PFKFB3: variants seen among roughly 807,000 people sequenced by gnomAD.
PFKFB3 encodes 6-phosphofructo-2-kinase/fructose-2,6-bisphosphatase 3.
Under a neutral mutation model 68.0 loss-of-function variants are expected in PFKFB3, and 33 were observed. That is an observed-to-expected ratio of 0.49 (90% CI 0.37 to 0.65). The LOEUF (loss-of-function observed/expected upper bound fraction) is 0.65. Among genes scored for constraint, PFKFB3 ranks in the 30% least tolerant of loss-of-function variants. The probability of loss-of-function intolerance (pLI) is 0.00; values close to 1 mark genes in which losing one functional copy is unlikely to be tolerated. For missense variants in PFKFB3, 586 were observed against 712.2 expected (o/e 0.82, Z 2.02); for synonymous variants, 315 against 288.2 (o/e 1.09, Z -0.94).
intron 1 of PFKFB3, among the ~76,000 whole-genome samples, chr10:6,163,276 G>A (rs1419151960): frequency 6.6e-6 from 1 of 152,194 alleles, no homozygotes; most frequent in Non-Finnish European, 1.5e-5. Context: ...CGGGAAGTCT[G>A]GAAGGGAACT....
chr10:6,178,285 C>T (rs908543709), intron 1 of PFKFB3, among the ~76,000 whole-genome samples: 1 of 152,190 alleles, frequency 6.6e-6, no homozygotes, highest in Non-Finnish European at 1.5e-5. Context: ...CCCACCTGAC[C>T]ACTGTGTGGG....
Position 6,220,698 on chromosome 10 carries a change from TTC to T in PFKFB3, c.665_666del (p.Phe222SerfsTer101). On this transcript the variant is annotated frameshift_variant, in exon 8 of 15. Transcript: ENST00000379775. LOFTEE classifies it high-confidence loss of function. This position sits in a 1 kb window ranked among gnomAD's most constrained non-coding sequence, Gnocchi z 4.1. ...LIKVIDVGRR[F>X]LVNRVQDHIQ... Reference sequence around the variant, plus strand: ...CAAGGTGATTGACGTGGGCCGGAGGTTCCTGGTGAACCGGGTGCAGGACCACA... The same window carrying T: ...CAAGGTGATTGACGTGGGCCGGAGGTCTGGTGAACCGGGTGCAGGACCACA... 1 of 1,613,794 alleles carries T rather than the reference TTC, an allele frequency of 6.2e-7. No individual in the cohort carries two copies. Among genetic ancestry groups the T allele is most frequent in the South Asian group, 1.1e-5 (1 of 91,056 alleles).
chr10:6,226,173 T>C lies in PFKFB3; in HGVS notation c.1342-19T>C. ...TTTGTAACTGTCGCCTTTCTCTCTT[T>C]TGTCTTTGTCTTGCTTAGGATGCAA... On this transcript the variant is annotated intron_variant, in intron 13 of 14. Coordinates refer to ENST00000379775, the MANE Select transcript of PFKFB3 (RefSeq NM_004566.4). The C allele has an allele frequency of 1.3e-6, 2 of 1,544,234 alleles. No homozygotes were observed. The highest frequency in any genetic ancestry group is 1.7e-6 in the Non-Finnish European group (2 of 1,145,176).
intron 1 of PFKFB3, among the ~76,000 whole-genome samples, chr10:6,179,864 T>C (rs1290040915): frequency 6.6e-6 from 1 of 152,048 alleles, no homozygotes; most frequent in African/African-American, 2.4e-5. Flanking sequence ...TCCCAGGTGA[T>C]AAGTGATGAG....
At chr10:6,317,009 A>G in the PFKFB3 span, among the ~76,000 whole-genome samples, 29 of 152,300 alleles carry the variant, frequency 1.9e-4, no homozygotes, top group African/African-American at 6.7e-4. Flanking sequence ...GACTGTATGG[A>G]GAATCTAACT....
intron 1 of PFKFB3, among the ~76,000 whole-genome samples, chr10:6,179,398 G>A (rs887430251): frequency 4.4e-4 from 67 of 152,348 alleles, no homozygotes; most frequent in African/African-American, 1.5e-3. Flanking sequence ...ATTTTCTCTC[G>A]AAGTTTTGTG....
chr10:6,173,695 T>G (rs2131751685), intron 1 of PFKFB3, among the ~76,000 whole-genome samples: 1 of 151,794 alleles, frequency 6.6e-6, no homozygotes, highest in Non-Finnish European at 1.5e-5. Flanking sequence ...AGGAAGGCTT[T>G]TTTTGGGAGA....
chr10:6,303,765 A>C, the PFKFB3 span, among the ~76,000 whole-genome samples: 1 of 149,074 alleles, frequency 6.7e-6, no homozygotes, highest in Non-Finnish European at 1.5e-5. Context: ...GCGCCACTGC[A>C]CTCCAGCCTG....
upstream of PFKFB3, chr10:6,202,759 C>A: frequency 2.1e-6 from 1 of 469,146 alleles, no homozygotes; most frequent in Non-Finnish European, 2.8e-6. Context: ...GGAGCTGGTG[C>A]ACCGCCGTCG....
rs1172384868 is a variant in PFKFB3 at position 6,235,346 on chromosome 10, T to C, written c.*2404T>C. 6.6e-6 allele frequency: 1 copy of C among 152,506 alleles called. No homozygotes were observed. The highest frequency in any genetic ancestry group is 1.5e-5 in the Non-Finnish European group (1 of 68,040). The allele number at this position is 152,506 out of a possible 1,614,324, so 9.4% of individuals were successfully genotyped here. A position where few individuals can be genotyped will look rare whatever the true frequency, so the allele number is the denominator to read the frequency against. ...CCTAAACAATAGAAAGCTGTAGAGA[T>C]TGGGTTTCATTGTTAATTGGTTTGG... On this transcript the variant is annotated 3_prime_UTR_variant, in exon 15 of 15. Transcript: ENST00000379775.
intron 14 of PFKFB3, among the ~76,000 whole-genome samples, chr10:6,232,371 C>T (rs1022116210): frequency 1.2e-4 from 18 of 152,156 alleles, no homozygotes; most frequent in African/African-American, 3.6e-4. Context: ...GGCTCCCCAC[C>T]TGGGCCTCCC....
chr10:6,261,488 T>A, the PFKFB3 span, among the ~76,000 whole-genome samples: 2 of 152,174 alleles, frequency 1.3e-5, no homozygotes, highest in Non-Finnish European at 2.9e-5. Context: ...TGAGAATGCA[T>A]GGACACAAAG....
At chr10:6,200,659 C>CGGGGGGGGGGGGGG (rs57019530), upstream of PFKFB3, among the ~76,000 whole-genome samples, 7 of 68,966 alleles carry the variant, frequency 1.0e-4, no homozygotes, top group East Asian at 3.3e-4. Context: ...ATGTAAGGAG[C>CGGGGGGGGGGGGGG]GGGGGGGGGG....
At chr10:6,185,300 G>A (rs1842838539) in intron 1 of PFKFB3, among the ~76,000 whole-genome samples, 1 of 152,182 alleles carries the variant, frequency 6.6e-6, no homozygotes, top group African/African-American at 2.4e-5. Flanking sequence ...CCTTGGGGTG[G>A]GCCGTTCCGA....
chr10:6,261,728 C>T, the PFKFB3 span, among the ~76,000 whole-genome samples: 5 of 152,058 alleles, frequency 3.3e-5, no homozygotes, highest in Non-Finnish European at 7.4e-5. Context: ...GGCATGGTGG[C>T]TCACACCTGT....
At chr10:6,174,689 C>T (rs920345779) in intron 1 of PFKFB3, among the ~76,000 whole-genome samples, 4 of 152,252 alleles carry the variant, frequency 2.6e-5, no homozygotes, top group Admixed American at 6.5e-5. Context: ...GAGGAAGGTG[C>T]GCTCTGGTGG....
chr10:6,206,535 AGAGGCGCC>A (rs1843711986), intron 1 of PFKFB3, among the ~76,000 whole-genome samples: 1 of 122,072 alleles, frequency 8.2e-6, no homozygotes, highest in African/African-American at 3.9e-5. Flanking sequence ...GCGGCCGGGC[AGAGGCGCC>A]CCTCACCTCC....
intron 1 of PFKFB3, among the ~76,000 whole-genome samples, chr10:6,166,229 G>A (rs1394053117): frequency 5.3e-5 from 8 of 152,008 alleles, no homozygotes; most frequent in Non-Finnish European, 1.5e-5. Flanking sequence ...TGATCCGCCC[G>A]CCTCGGTCTC....
At chr10:6,163,974 G>C (rs964880769) in intron 1 of PFKFB3, 1 of 152,328 alleles carries the variant, frequency 6.6e-6, no homozygotes, top group African/African-American at 2.4e-5. Flanking sequence ...GCCTGGGAGC[G>C]GCTGTAAATA....
Sources: gnomAD v4.1 joint callset for allele counts (sites outside exome capture counted in the v4.1 genomes callset) on GRCh38, gnomAD v4.1.1 for gene constraint, Gnocchi (gnomAD v3.1) non-coding constraint, MANE v1.5 for transcripts, NCBI Gene and HGNC (gene_info 2026-07-23, HGNC 2026-07-21) for gene names.